Variants in GET3 observed in about 807,000 individuals in gnomAD.
GET3 encodes ATPase GET3.
GET3 carries 15 observed loss-of-function variants against 32.4 expected under a neutral mutation model. The observed-to-expected ratio is 0.46, with a 90% CI of 0.31 to 0.71. GET3 has a LOEUF of 0.71. Ranked by LOEUF, GET3 falls within the 30% of genes least tolerant of loss-of-function variation. GET3 has a pLI of 0.05. For missense variants in GET3, 333 were observed against 459.0 expected, an observed-to-expected ratio of 0.73 and a Z score of 2.51; for synonymous variants, 198 against 185.6, an observed-to-expected ratio of 1.07 and a Z score of -0.54.
chr19:12,742,855 A>C (rs755730186), intron 2 of GET3, among the ~76,000 whole-genome samples: 16 of 152,068 alleles, frequency 1.1e-4, no homozygotes, highest in Non-Finnish European at 2.1e-4. Flanking sequence ...CCAAGACGCT[A>C]TCTCTAAAAG....
rs369531408 is a variant in GET3, at chr19:12,738,691, G to C, written c.309+33G>C. On this transcript the variant is annotated intron_variant, in intron 2 of 6. Coordinates refer to ENST00000357332, the MANE Select transcript of GET3 (RefSeq NM_004317.4). ...GAACAGGGCTTAGCCCCCACTTCTG[G>C]GAAAAGCCTCTTCCAGCCTTTCTTG... 2.1e-5 allele frequency: 34 copies of C among 1,613,492 alleles called. No individual in the cohort carries two copies. The East Asian group carries it at 6.2e-4, about 30-fold the overall frequency.
At chr19:12,742,011 T>C (rs1201171855) in intron 2 of GET3, among the ~76,000 whole-genome samples, 1 of 152,094 alleles carries the variant, frequency 6.6e-6, no homozygotes. Flanking sequence ...ATACCTATCA[T>C]TTCAGTGCTT....
Position 12,747,084 on chromosome 19 carries a change from T to C in GET3, c.610-113T>C. ...AACCCCAGGAATCTGCTTATGGGCC[T>C]GAGCCTTTAACCACTGGGAGGTATC... On this transcript the variant is annotated intron_variant, in intron 4 of 6. Transcript: ENST00000357332. This position sits in a 1 kb window ranked among gnomAD's most constrained non-coding sequence, Gnocchi z 4.0. The C allele has an allele frequency of 1.3e-6, 1 of 761,328 alleles. No homozygotes were observed. Among genetic ancestry groups the C allele is most frequent in the Admixed American group, 2.7e-5 (1 of 36,740 alleles). 47.2% of individuals were successfully genotyped at this position (761,328 alleles called of 1,614,324 possible). A position where few individuals can be genotyped will look rare whatever the true frequency, so the allele number is the denominator to read the frequency against.
In GET3 at chr19:12,748,214, T is replaced by A. The variant is rs866541129; in HGVS notation, c.*110T>A. ...CCCCCATAATACAGGGGGAGCCACT[T>A]GGGCAGGAGGCAGGGAGGGGTCCAT... On this transcript the variant is annotated 3_prime_UTR_variant, in exon 7 of 7. Transcript: ENST00000357332. 2.8e-6 allele frequency: 3 copies of A among 1,089,666 alleles called. No individual in the cohort carries two copies. In the African/African-American group the frequency reaches 4.8e-5, roughly 17 times the overall value. The allele number at this position is 1,089,666 out of a possible 1,614,324, so 67.5% of individuals were successfully genotyped here. A position where few individuals can be genotyped will look rare whatever the true frequency, so the allele number is the denominator to read the frequency against.
At chr19:12,741,373 G>C (rs144496633) in intron 2 of GET3, among the ~76,000 whole-genome samples, 2 of 150,432 alleles carry the variant, frequency 1.3e-5, no homozygotes, top group Non-Finnish European at 3.0e-5. Flanking sequence ...GGAGAATGGC[G>C]TGAACGCGGG....
Position 12,745,040 on chromosome 19 carries a change from C to T in GET3, c.310-337C>T, listed in dbSNP as rs2145692701. Among the ~76,000 whole-genome samples, 1 of 152,142 alleles carries T rather than the reference C, an allele frequency of 6.6e-6. No homozygotes were observed. The highest frequency in any genetic ancestry group is 2.4e-5 in the African/African-American group (1 of 41,496). On this transcript the variant is annotated intron_variant, in intron 2 of 6. Coordinates refer to ENST00000357332, the MANE Select transcript of GET3 (RefSeq NM_004317.4). The surrounding 1 kb of genome is among the most constrained non-coding windows in gnomAD (Gnocchi z 5.0). ...GATGATGATCCGGAAGAGGTCATGGCCCAGTCATGGGAGTATCTGGGGTTG... is the reference window on the plus strand; with the variant it reads ...GATGATGATCCGGAAGAGGTCATGGTCCAGTCATGGGAGTATCTGGGGTTG...
At position 12,748,245 on chromosome 19, in the gene GET3, C is replaced by T. The variant is rs369269231; in HGVS notation, c.*141C>T. On this transcript the variant is annotated 3_prime_UTR_variant, in exon 7 of 7. Transcript: ENST00000357332. Reference sequence around the variant, plus strand: ...GGAGGCAGGGAGGGGTCCATTCCCCCTGGTGGGGCTGGTGGGGAGCTGTAG... The same window carrying T: ...GGAGGCAGGGAGGGGTCCATTCCCCTTGGTGGGGCTGGTGGGGAGCTGTAG... 4 of 725,474 alleles carry T rather than the reference C, an allele frequency of 5.5e-6. No individual in the cohort carries two copies. In the African/African-American group the frequency reaches 7.2e-5, roughly 13 times the overall value. 44.9% of individuals were successfully genotyped at this position (725,474 alleles called of 1,614,324 possible).
At chr19:12,738,476 C>G in intron 1 of GET3, 35 bp from the exon 2 acceptor site, 1 of 1,612,394 alleles carries the variant, frequency 6.2e-7, no homozygotes, top group South Asian at 1.1e-5. Context: ...AGCCCATCCC[C>G]TCATCCCCTA....
intron 2 of GET3, among the ~76,000 whole-genome samples, chr19:12,743,951 G>A (rs1233098770): frequency 1.4e-5 from 2 of 143,962 alleles, no homozygotes; most frequent in Admixed American, 7.1e-5. Context: ...GGATGGTCTC[G>A]ATCTCCTAAC....
chr19:12,747,653 C>A lies in GET3; in HGVS notation c.915+61C>A, dbSNP rs1029211126. ...CACCTCTGCCCCTTTATTCTCTGAT[C>A]TTTTGCTCCACCATCTGGCCCTCTG... On this transcript the variant is annotated intron_variant, in intron 6 of 6. Transcript: ENST00000357332. This position sits in a 1 kb window ranked among gnomAD's most constrained non-coding sequence, Gnocchi z 4.0. 21 of 1,556,840 alleles carry A rather than the reference C, an allele frequency of 1.3e-5. No individual in the cohort carries two copies. Among genetic ancestry groups the A allele is most frequent in the Non-Finnish European group, 1.7e-5 (20 of 1,148,952 alleles).
chr19:12,737,129 T>G (rs985325014), upstream of GET3: 3 of 167,776 alleles, frequency 1.8e-5, no homozygotes, highest in African/African-American at 7.2e-5. Flanking sequence ...CGAAAGGGCA[T>G]GGACTGGGTG....
chr19:12,745,867 C>A lies in GET3; in HGVS notation c.609+108C>A. On this transcript the variant is annotated intron_variant, in intron 4 of 6. Transcript: ENST00000357332. This position sits in a 1 kb window ranked among gnomAD's most constrained non-coding sequence, Gnocchi z 5.0. ...ACTAACAATTCCCTTTCCTTCCCAC[C>A]CCTTCTCACTCTGGACTTCTCCCTG... 7.2e-7 allele frequency: 1 copy of A among 1,393,020 alleles called. No individual in the cohort carries two copies. Among genetic ancestry groups the A allele is most frequent in the Non-Finnish European group, 9.6e-7 (1 of 1,045,268 alleles). 86.3% of individuals were successfully genotyped at this position (1,393,020 alleles called of 1,614,324 possible).
At position 12,745,696 on chromosome 19, in the gene GET3, C is replaced by T. The variant is rs758825720; in HGVS notation, c.546C>T (p.Ile182=). The change falls in exon 4 of 7, where the codon ATC becomes ATT. Residue 182 remains isoleucine, a synonymous_variant. Transcript: ENST00000357332. The surrounding 1 kb of genome is among the most constrained non-coding windows in gnomAD (Gnocchi z 5.0). ...HTLRLLNFPT[I]VERGLGRLMQ... is the part of the protein sequence containing the mutation. ...TGAGGCTGCTCAACTTCCCCACCAT[C>T]GTGGAGCGGGGCCTGGGCCGGCTTA... 59 of 1,612,984 alleles carry T rather than the reference C, an allele frequency of 3.7e-5. No homozygotes were observed. Among genetic ancestry groups the T allele is most frequent in the Non-Finnish European group, 5.0e-5 (59 of 1,179,952 alleles).
At chr19:12,737,396 A>G (rs2145682874), upstream of GET3, 1 of 1,303,502 alleles carries the variant, frequency 7.7e-7, no homozygotes, top group East Asian at 2.9e-5. Flanking sequence ...AAAGGCAAGT[A>G]ATGAGGAAAT....
chr19:12,745,843 C>T lies in GET3; in HGVS notation c.609+84C>T, dbSNP rs1967762548. 2 of 1,486,338 alleles carry T rather than the reference C, an allele frequency of 1.3e-6. No homozygotes were observed. The highest frequency in any genetic ancestry group is 2.2e-4 in the Middle Eastern group (1 of 4,632). 92.1% of individuals were successfully genotyped at this position (1,486,338 alleles called of 1,614,324 possible). A position where few individuals can be genotyped will look rare whatever the true frequency, so the allele number is the denominator to read the frequency against. ...GGGCCCCCAGACCCTCAAATGCGCA[C>T]TAACAATTCCCTTTCCTTCCCACCC... is the stretch of plus-strand genomic sequence containing the variant. On this transcript the variant is annotated intron_variant, in intron 4 of 6. Transcript: ENST00000357332. This position sits in a 1 kb window ranked among gnomAD's most constrained non-coding sequence, Gnocchi z 5.0.
Position 12,747,055 on chromosome 19 carries a change from G to T in GET3, c.610-142G>T. The T allele has an allele frequency of 3.8e-6, 2 of 525,430 alleles. No individual in the cohort carries two copies. The highest frequency in any genetic ancestry group is 3.6e-5 in the Admixed American group (1 of 27,530). The allele number at this position is 525,430 out of a possible 1,614,324, so 32.5% of individuals were successfully genotyped here. On this transcript the variant is annotated intron_variant, in intron 4 of 6. Transcript: ENST00000357332. This position sits in a 1 kb window ranked among gnomAD's most constrained non-coding sequence, Gnocchi z 4.0. Reference sequence around the variant, plus strand: ...GAAAGAAATGGAAAAGCTAGTATTTGACCAACCCCAGGAATCTGCTTATGG... The same window carrying T: ...GAAAGAAATGGAAAAGCTAGTATTTTACCAACCCCAGGAATCTGCTTATGG...
intron 2 of GET3, among the ~76,000 whole-genome samples, chr19:12,740,764 A>T (rs1967653757): frequency 6.6e-6 from 1 of 152,230 alleles, no homozygotes. Context: ...GATGAGCTCC[A>T]TCCAGCATAC....
chr19:12,747,278 T>C lies in GET3; in HGVS notation c.691T>C (p.Ser231Pro). The C allele has an allele frequency of 6.2e-7, 1 of 1,611,684 alleles. No individual in the cohort carries two copies. The highest frequency in any genetic ancestry group is 1.7e-5 in the Admixed American group (1 of 59,778). ...GGAGGAGACGCTGCCCGTCATCCGCTCAGTCAGCGAACAGTTCAAGGACCC... is the reference window on the plus strand; with the variant it reads ...GGAGGAGACGCTGCCCGTCATCCGCCCAGTCAGCGAACAGTTCAAGGACCC... ...KLEETLPVIR[S>P]VSEQFKDPEQ... Residue 231 changes from serine to proline, a missense_variant, in exon 5 of 7, where the codon TCA becomes CCA. Physicochemically the swap from Ser to Pro is moderately conservative, Grantham distance 74. Coordinates refer to ENST00000357332, the MANE Select transcript of GET3 (RefSeq NM_004317.4). The surrounding 1 kb of genome is among the most constrained non-coding windows in gnomAD (Gnocchi z 4.0).
chr19:12,740,970 T>C (rs1036627470), intron 2 of GET3, among the ~76,000 whole-genome samples: 1 of 152,164 alleles, frequency 6.6e-6, no homozygotes, highest in Non-Finnish European at 1.5e-5. Flanking sequence ...CTTATTAAGG[T>C]AGCAGGGGGA....
Sources: gnomAD v4.1 joint callset for allele counts (sites outside exome capture counted in the v4.1 genomes callset) on GRCh38, gnomAD v4.1.1 for gene constraint, Gnocchi (gnomAD v3.1) non-coding constraint, MANE v1.5 for transcripts, NCBI Gene and HGNC (gene_info 2026-07-23, HGNC 2026-07-21) for gene names.